ZNF789: variants seen among roughly 807,000 people sequenced by gnomAD.
ZNF789 encodes the protein zinc finger protein 789.
In ZNF789, 11 loss-of-function variants were observed where a neutral mutation model predicts 15.6. The ratio of observed to expected loss-of-function variants is 0.70; its 90% CI spans 0.44 to 1.16. The LOEUF (loss-of-function observed/expected upper bound fraction) is 1.16, where lower values mean the gene tolerates loss of function less well. ZNF789 is among the 50% of genes most tolerant of loss of function. The pLI, the probability that ZNF789 is intolerant of heterozygous loss-of-function variation, is 0.00. For missense variants in ZNF789, 461 were observed against 512.6 expected, an observed-to-expected ratio of 0.90 and a Z score of 0.97; for synonymous variants, 159 against 176.0, an observed-to-expected ratio of 0.90 and a Z score of 0.76.
rs1286710070 is a variant in ZNF789, at chr7:99,487,193, T to A, written c.983T>A (p.Leu328His). 6.2e-7 allele frequency: 1 copy of A among 1,614,066 alleles called. No homozygotes were observed. Among genetic ancestry groups the A allele is most frequent in the Non-Finnish European group, 8.5e-7 (1 of 1,180,054 alleles). ...AAAGCCTTTGGCCGGCATTCAACCC[T>A]TCTATGTCATCAACAGATTCACAGT... Reference protein sequence around the residue: ...CGKAFGRHSTLLCHQQIHSKP... With the variant: ...CGKAFGRHSTHLCHQQIHSKP... Residue 328 changes from leucine (L) to histidine (H), a missense_variant, in exon 5 of 5, where the codon CTT becomes CAT. Physicochemically the swap from Leu to His is moderately conservative, Grantham distance 99. Transcript: ENST00000331410.
At chr7:99,482,060 A>G (rs1799663728) in intron 3 of ZNF789, 1 of 734,322 alleles carries the variant, frequency 1.4e-6, no homozygotes, top group East Asian at 2.5e-5. Flanking sequence ...ATAATAAGAT[A>G]ATTTGAGGAT....
At chr7:99,477,292 C>T (rs1799387092) in intron 2 of ZNF789, among the ~76,000 whole-genome samples, 1 of 152,102 alleles carries the variant, frequency 6.6e-6, no homozygotes, top group Admixed American at 6.5e-5. Flanking sequence ...CCACCCACCT[C>T]AGCCTCCCAG....
At chr7:99,479,942 C>T in intron 3 of ZNF789, 155 bp downstream of exon 3, 1 of 991,212 alleles carries the variant, frequency 1.0e-6, no homozygotes, top group South Asian at 2.0e-5. Flanking sequence ...CAGACATCAC[C>T]ACAGTGAAAC....
rs1250080763 is a variant in ZNF789, at chr7:99,476,464, C to T, written c.8C>T (p.Pro3Leu). The change falls in exon 2 of 5, where the codon CCA (proline) becomes CTA (leucine). Residue 3 changes from proline (P) to leucine (L), a missense_variant. By Grantham distance (98) the Pro-to-Leu change is moderately conservative (BLOSUM62 -3). Transcript: ENST00000331410. MF[P>L]PARGKELLSF... The stretch of plus-strand genomic sequence containing the variant: ...GACCAGGCCGTGGAAGCCATGTTCC[C>T]ACCAGCCAGGGGGAAGGTGAGCTGT... 1.9e-6 allele frequency: 3 copies of T among 1,612,160 alleles called. No homozygotes were observed. Among genetic ancestry groups the T allele is most frequent in the Non-Finnish European group, 8.5e-7 (1 of 1,179,356 alleles).
At chr7:99,483,298 C>A (rs1799744763) in intron 3 of ZNF789, among the ~76,000 whole-genome samples, 1 of 151,776 alleles carries the variant, frequency 6.6e-6, no homozygotes, top group African/African-American at 2.4e-5. Context: ...AGAGCAGAGA[C>A]TCCATCTCAA....
intron 1 of ZNF789, among the ~76,000 whole-genome samples, chr7:99,475,601 A>G (rs1650627942): frequency 6.6e-6 from 1 of 152,102 alleles, no homozygotes; most frequent in Non-Finnish European, 1.5e-5. Context: ...TCCCTAGGAT[A>G]ACTAGACTCG....
intron 1 of ZNF789, chr7:99,476,094 T>G (rs1228922427): frequency 5.2e-6 from 1 of 191,338 alleles, no homozygotes; most frequent in African/African-American, 2.4e-5. Flanking sequence ...TGAGCCACCG[T>G]GCCTGGCCAG....
intron 3 of ZNF789, chr7:99,482,151 T>G (rs747884983): frequency 2.6e-6 from 2 of 779,478 alleles, no homozygotes; most frequent in Non-Finnish European, 4.8e-6. Context: ...ATTGTTCCCT[T>G]TTGATATTCA....
At chr7:99,480,537 A>C (rs1258059893) in intron 3 of ZNF789, 1 of 152,164 alleles carries the variant, frequency 6.6e-6, no homozygotes, top group East Asian at 1.9e-4. Context: ...TCAGACCGAG[A>C]CACTTCATGC....
intron 3 of ZNF789, chr7:99,482,315 G>T (rs1450383881): frequency 2.7e-6 from 2 of 747,196 alleles, no homozygotes; most frequent in Non-Finnish European, 5.0e-6. Context: ...AAGACTGCCA[G>T]ATATTTACAA....
intron 3 of ZNF789, chr7:99,480,990 A>G (rs765641544): frequency 1.3e-5 from 2 of 152,254 alleles, no homozygotes; most frequent in African/African-American, 2.4e-5. Flanking sequence ...GAAGGCATAG[A>G]AAAGGAGGAG....
At chr7:99,482,751 G>T (rs995206549) in intron 3 of ZNF789, among the ~76,000 whole-genome samples, 2 of 152,092 alleles carry the variant, frequency 1.3e-5, no homozygotes, top group African/African-American at 4.8e-5. Context: ...CTATTCCGGA[G>T]GCTGAGGCAG....
At chr7:99,481,957 C>T in intron 3 of ZNF789, 1 of 580,204 alleles carries the variant, frequency 1.7e-6, no homozygotes. Context: ...GTGTCTATTA[C>T]AGGGAAAGAA....
intron 4 of ZNF789, among the ~76,000 whole-genome samples, chr7:99,485,728 A>G (rs1334020781): frequency 4.6e-5 from 7 of 152,276 alleles, no homozygotes; most frequent in South Asian, 4.1e-4. Context: ...GCTACTCAGG[A>G]GGCTAAGGCA....
At chr7:99,485,351 C>T in intron 4 of ZNF789, 1 of 793,466 alleles carries the variant, frequency 1.3e-6, no homozygotes, top group East Asian at 2.7e-5. Flanking sequence ...CCACTAGATG[C>T]CAGTTGAACC....
chr7:99,475,370 G>C (rs1799269526), intron 1 of ZNF789, among the ~76,000 whole-genome samples: 1 of 151,672 alleles, frequency 6.6e-6, no homozygotes, highest in South Asian at 2.1e-4. Flanking sequence ...ACTCCAGCCT[G>C]CACAACAAGA....
intron 4 of ZNF789, chr7:99,485,502 C>T: frequency 2.1e-6 from 1 of 485,796 alleles, no homozygotes; most frequent in Non-Finnish European, 3.6e-6. Context: ...ATACTTTGTC[C>T]ATTTTTAAGC....
At chr7:99,478,874 CAG>C (rs1466379721) in intron 2 of ZNF789, 1 of 155,292 alleles carries the variant, frequency 6.4e-6, no homozygotes. Flanking sequence ...GGTTGGAGGA[CAG>C]GGGACAGGGC....
chr7:99,487,411 A>G lies in ZNF789; in HGVS notation c.1201A>G (p.Ile401Val). The G allele has an allele frequency of 1.2e-6, 2 of 1,614,200 alleles. No individual in the cohort carries two copies. The highest frequency in any genetic ancestry group is 1.7e-6 in the Non-Finnish European group (2 of 1,180,020). ...HTGSQPYQCV[I>V]CGKSFKWHTS... ...TGGAAGCCAACCCTACCAATGTGTC[A>G]TATGTGGAAAATCTTTCAAGTGGCA... The change falls in exon 5 of 5, where the codon ATA becomes GTA. Residue 401 changes from isoleucine to valine, a missense_variant. Physicochemically the swap from Ile to Val is conservative, Grantham distance 29 (BLOSUM62 3). Transcript: ENST00000331410.
Sources: allele counts gnomAD v4.1 joint callset (sites outside exome capture counted in the v4.1 genomes callset), GRCh38; gene constraint gnomAD v4.1.1; transcripts MANE v1.5; gene names NCBI Gene and HGNC (gene_info 2026-07-23, HGNC 2026-07-21).